EXOC2: variants seen among roughly 807,000 people sequenced by gnomAD.
The protein encoded by EXOC2 is SEC5-like 1.
EXOC2 carries 70 observed loss-of-function variants against 131.8 expected under a neutral mutation model. The ratio of observed to expected loss-of-function variants is 0.53; its 90% confidence interval spans 0.44 to 0.65. The LOEUF (loss-of-function observed/expected upper bound fraction) is 0.65. Among genes scored for constraint, EXOC2 ranks in the 30% least tolerant of loss-of-function variants. The probability of loss-of-function intolerance (pLI) is 0.00; values close to 1 mark genes in which losing one functional copy is unlikely to be tolerated. For synonymous variants in EXOC2, 411 were observed against 398.4 expected (o/e 1.03, Z -0.38); for missense variants, 923 against 1,108.6 (o/e 0.83, Z 2.38).
At chr6:561,618 G>A (rs370335369) in intron 17 of EXOC2, among the ~76,000 whole-genome samples, 3 of 151,816 alleles carry the variant, frequency 2.0e-5, no homozygotes, top group Admixed American at 6.6e-5. Context: ...ACAGAGTCTC[G>A]CTCTGTCACC....
At chr6:529,501 G>C (rs1055941772) in intron 23 of EXOC2, among the ~76,000 whole-genome samples, 3 of 152,236 alleles carry the variant, frequency 2.0e-5, no homozygotes, top group Admixed American at 6.5e-5. Flanking sequence ...ACTTTGTTGA[G>C]AGTGAAACTC....
At chr6:617,571 T>C in intron 6 of EXOC2, 140 bp downstream of exon 6, 2 of 1,230,736 alleles carry the variant, frequency 1.6e-6, no homozygotes, top group African/African-American at 1.5e-5. Flanking sequence ...CAGCCTACTC[T>C]GCAACAAATA....
chr6:675,522 A>C (rs1764072413), intron 1 of EXOC2, among the ~76,000 whole-genome samples: 1 of 59,348 alleles, frequency 1.7e-5, no homozygotes. Context: ...ACATTACAGA[A>C]AGGACAGGTT....
intron 23 of EXOC2, among the ~76,000 whole-genome samples, chr6:515,308 G>C (rs1001587125): frequency 6.6e-6 from 1 of 152,164 alleles, no homozygotes; most frequent in African/African-American, 2.4e-5. Context: ...AGGAAATGTG[G>C]GCATTGAAGG....
intron 1 of EXOC2, chr6:656,784 A>G: frequency 6.2e-7 from 1 of 1,601,274 alleles, no homozygotes; most frequent in Non-Finnish European, 8.5e-7. Flanking sequence ...CTCGCACCAC[A>G]GCCTGGCCTC....
rs1416829075 is a variant in EXOC2, at chr6:589,877, CG to C, written c.1192+2591del. 2.0e-5 allele frequency among the ~76,000 whole-genome samples: 3 copies of C among 152,180 alleles called. No individual in the cohort carries two copies. In the East Asian group the frequency reaches 5.8e-4, roughly 29 times the overall value. On this transcript the variant is annotated intron_variant, in intron 11 of 27. Coordinates refer to ENST00000230449, the MANE Select transcript of EXOC2 (RefSeq NM_018303.6). The stretch of plus-strand genomic sequence containing the variant: ...ATCCCAGCACTTTGGGAGGCCGAGG[CG>C]GGTGGATCACGAGGTCAGGAGATCG...
rs573998334 is a variant in EXOC2 at position 597,058 on chromosome 6, C to G, written c.1073+963G>C. On this transcript the variant is annotated intron_variant, in intron 10 of 27. Transcript: ENST00000230449. ...CCATGTCCATTTCAGATGAAGAAAC[C>G]GAAAAATAGAACTCAAGTCGGTTGC... is the stretch of plus-strand genomic sequence containing the variant. Among the ~76,000 whole-genome samples, 17 of 152,222 alleles carry G rather than the reference C, an allele frequency of 1.1e-4. No individual in the cohort carries two copies. The South Asian group carries it at 2.7e-3, about 24-fold the overall frequency.
chr6:612,967 G>T (rs370359436), intron 6 of EXOC2, among the ~76,000 whole-genome samples: 1 of 152,220 alleles, frequency 6.6e-6, no homozygotes, highest in African/African-American at 2.4e-5. Context: ...CAGGGAAATC[G>T]CCACCAAAAC....
At chr6:545,117 G>A (rs1054024314) in intron 22 of EXOC2, among the ~76,000 whole-genome samples, 48 of 128,684 alleles carry the variant, frequency 3.7e-4, no homozygotes, top group African/African-American at 1.4e-3. Context: ...ACTGCAGTCC[G>A]CAGTCCGGCC....
chr6:518,179 A>C lies in EXOC2; in HGVS notation c.2380+14290T>G, dbSNP rs542124370. Among the ~76,000 whole-genome samples, 38 of 152,350 alleles carry C rather than the reference A, an allele frequency of 2.5e-4. 1 individual carries two copies. In the South Asian group the frequency reaches 7.7e-3, roughly 31 times the overall value. On this transcript the variant is annotated intron_variant, in intron 23 of 27. Coordinates refer to ENST00000230449, the MANE Select transcript of EXOC2 (RefSeq NM_018303.6). ...TTATGATTACGTTTCTTTAAAAAAAATCAGTCCTTATCTTATCTGTGTATG... is the reference window on the plus strand; with the variant it reads ...TTATGATTACGTTTCTTTAAAAAAACTCAGTCCTTATCTTATCTGTGTATG...
chr6:521,569 C>T (rs756566583), intron 23 of EXOC2, among the ~76,000 whole-genome samples: 1 of 151,804 alleles, frequency 6.6e-6, no homozygotes, highest in Non-Finnish European at 1.5e-5. Flanking sequence ...TGTCTGTCAC[C>T]CAGGCTGGTG....
chr6:692,973 A>G (rs908050808), intron 1 of EXOC2, 46 bp downstream of exon 1: 3 of 152,728 alleles, frequency 2.0e-5, no homozygotes, highest in South Asian at 2.1e-4. Context: ...GCTGACGTCC[A>G]TGTCCCGCTG....
chr6:656,195 G>A (rs1763072148), intron 1 of EXOC2: 2 of 1,614,134 alleles, frequency 1.2e-6, no homozygotes, highest in African/African-American at 1.3e-5. Flanking sequence ...TATTGCACAG[G>A]GCCGTCGTAG....
intron 23 of EXOC2, among the ~76,000 whole-genome samples, chr6:515,027 A>G (rs1481313751): frequency 6.6e-6 from 1 of 152,248 alleles, no homozygotes; most frequent in Admixed American, 6.5e-5. Context: ...TTCTAGCCAT[A>G]ATAAAGGCAT....
At chr6:658,346 C>T (rs1464916175) in intron 1 of EXOC2, among the ~76,000 whole-genome samples, 2 of 152,036 alleles carry the variant, frequency 1.3e-5, no homozygotes, top group African/African-American at 4.8e-5. Context: ...CTCACAGATA[C>T]TGCTCCAGAT....
At chr6:592,249 A>G (rs2294660) in intron 11 of EXOC2, among the ~76,000 whole-genome samples, 91,777 of 151,670 alleles carry the variant, frequency 0.61, 29,511 homozygotes, top group Non-Finnish European at 0.71. Flanking sequence ...CGAAACGTCA[A>G]CGCTGTCCAC....
chr6:568,033 A>C (rs1416945390), intron 13 of EXOC2, among the ~76,000 whole-genome samples: 1 of 152,186 alleles, frequency 6.6e-6, no homozygotes, highest in Non-Finnish European at 1.5e-5. Flanking sequence ...TTGAATTCAG[A>C]CACTGCTGCG....
chr6:685,023 G>C (rs958678941), intron 1 of EXOC2, among the ~76,000 whole-genome samples: 1 of 152,026 alleles, frequency 6.6e-6, no homozygotes, highest in Admixed American at 6.5e-5. Flanking sequence ...TGAAGACTAG[G>C]ATAACCTCTA....
chr6:641,923 C>T (rs1762371327), intron 1 of EXOC2, among the ~76,000 whole-genome samples: 1 of 152,136 alleles, frequency 6.6e-6, no homozygotes, highest in Non-Finnish European at 1.5e-5. Context: ...TTATCCCTAC[C>T]TTTAAAATAA....
Sources: allele counts gnomAD v4.1 joint callset (sites outside exome capture counted in the v4.1 genomes callset), GRCh38; gene constraint gnomAD v4.1.1; transcripts MANE v1.5; gene names NCBI Gene and HGNC (gene_info 2026-07-23, HGNC 2026-07-21).